Variants in TENM3 observed in about 807,000 individuals in gnomAD.
TENM3 encodes the protein teneurin-3.
In TENM3, 63 loss-of-function variants were observed where a neutral mutation model predicts 255.1. The ratio of observed to expected loss-of-function variants is 0.25; its 90% confidence interval spans 0.20 to 0.30. TENM3 has a LOEUF of 0.30. Ranked by LOEUF, TENM3 falls within the 10% of genes least tolerant of loss-of-function variation. The pLI is 1.00. For synonymous variants in TENM3, 1,306 were observed against 1,322.3 expected (o/e 0.99, Z 0.27); for missense variants, 2,929 against 3,461.1 (o/e 0.85, Z 3.86).
the TENM3 span, among the ~76,000 whole-genome samples, chr4:181,479,943 CT>C: frequency 2.6e-5 from 4 of 152,092 alleles, no homozygotes; most frequent in African/African-American, 9.7e-5. Context: ...TGTTTTTAAG[CT>C]ATGACCTAGC....
At chr4:181,605,494 G>C in the TENM3 span, among the ~76,000 whole-genome samples, 44 of 8,168 alleles carry the variant, frequency 5.4e-3, no homozygotes, top group African/African-American at 0.017. Flanking sequence ...AAGAAAGAAA[G>C]AAAGAAAGAA....
chr4:182,596,894 C>G (rs904701393), intron 3 of TENM3, among the ~76,000 whole-genome samples: 1 of 152,118 alleles, frequency 6.6e-6, no homozygotes, highest in Non-Finnish European at 1.5e-5. Flanking sequence ...GTCATTATAT[C>G]CAGAACTTTT....
the TENM3 span, among the ~76,000 whole-genome samples, chr4:181,454,691 T>TTTTTTTTTTC: frequency 6.7e-6 from 1 of 150,138 alleles, no homozygotes. Context: ...ACTTTTTTTT[T>TTTTTTTTTTC]CTGGTGTGCC....
intron 1 of TENM3, among the ~76,000 whole-genome samples, chr4:182,257,147 A>C (rs1282660118): frequency 6.6e-6 from 1 of 152,052 alleles, no homozygotes; most frequent in Non-Finnish European, 1.5e-5. Context: ...CCCATCTTAG[A>C]CTCTAATTTC....
intron 1 of TENM3, among the ~76,000 whole-genome samples, chr4:182,176,821 A>AATTTTTTTTTTTTTTT (rs1561169609): frequency 1.8e-5 from 2 of 113,358 alleles, no homozygotes; most frequent in South Asian, 2.9e-4. Flanking sequence ...CATCCGGCTA[A>AATTTTTTTTTTTTTTT]TTTTTTTTTT....
chr4:181,750,112 A>T, the TENM3 span, among the ~76,000 whole-genome samples: 907 of 152,252 alleles, frequency 6.0e-3, 5 homozygotes, highest in Middle Eastern at 0.031. Flanking sequence ...CGGGAAAGGG[A>T]TGCTTTATTG....
chr4:181,641,554 G>GTGTATATATATATATA, the TENM3 span, among the ~76,000 whole-genome samples: 4 of 26,908 alleles, frequency 1.5e-4, no homozygotes, highest in Non-Finnish European at 2.6e-4. Flanking sequence ...TGGTGTGTGT[G>GTGTATATATATATATA]TATATATATA....
At chr4:182,757,836 A>G (rs1348036180) in intron 22 of TENM3, among the ~76,000 whole-genome samples, 1 of 152,124 alleles carries the variant, frequency 6.6e-6, no homozygotes, top group Non-Finnish European at 1.5e-5. Context: ...GCAAAATCAC[A>G]TTTTCACCAA....
intron 3 of TENM3, among the ~76,000 whole-genome samples, chr4:182,507,003 G>A (rs1054827820): frequency 4.6e-5 from 7 of 152,082 alleles, no homozygotes; most frequent in Admixed American, 3.3e-4. Context: ...TTCATGATCC[G>A]TGAAGCCTCT....
chr4:182,575,974 T>C (rs1744870976), intron 3 of TENM3, among the ~76,000 whole-genome samples: 1 of 152,240 alleles, frequency 6.6e-6, no homozygotes, highest in Admixed American at 6.5e-5. Context: ...ATTTAGGTTG[T>C]ATTCAGTTAT....
At chr4:181,865,286 C>T in the TENM3 span, among the ~76,000 whole-genome samples, 41 of 152,304 alleles carry the variant, frequency 2.7e-4, no homozygotes, top group Middle Eastern at 6.8e-3. Flanking sequence ...AAGGAAGGCT[C>T]ATTCCTGGAG....
chr4:181,899,482 T>G, the TENM3 span, among the ~76,000 whole-genome samples: 1 of 152,288 alleles, frequency 6.6e-6, no homozygotes, highest in South Asian at 2.1e-4. Context: ...ATTTTTAAAC[T>G]AATTTTACCC....
chr4:181,564,485 T>C, the TENM3 span, among the ~76,000 whole-genome samples: 11,579 of 152,186 alleles, frequency 0.076, 488 homozygotes, highest in South Asian at 0.11. Flanking sequence ...ACCTAAGCTC[T>C]TAAACGCCAT....
the TENM3 span, among the ~76,000 whole-genome samples, chr4:181,787,657 C>A: frequency 6.6e-6 from 1 of 152,034 alleles, no homozygotes; most frequent in Non-Finnish European, 1.5e-5. Flanking sequence ...CCTTAACATT[C>A]CTTTCTGCTG....
the TENM3 span, among the ~76,000 whole-genome samples, chr4:181,776,287 A>G: frequency 1.3e-5 from 2 of 152,112 alleles, no homozygotes; most frequent in African/African-American, 2.4e-5. Flanking sequence ...GTATTTTACT[A>G]TGTATATACA....
chr4:182,225,230 ATTG>A lies in TENM3; in HGVS notation c.-76+80482_-76+80484del, dbSNP rs1756078623. On this transcript the variant is annotated intron_variant, in intron 1 of 2. Coordinates refer to the TENM3 transcript ENST00000512480. Reference sequence around the variant, plus strand: ...GAGTACTCAATATACGGCAGCAATTATTGTTGTTTTGGGTCTCAGGATATATCT... The same window carrying A: ...GAGTACTCAATATACGGCAGCAATTATTGTTTTGGGTCTCAGGATATATCT... 2.0e-5 allele frequency among the ~76,000 whole-genome samples: 3 copies of A among 152,226 alleles called. No homozygotes were observed. In the South Asian group the frequency reaches 6.2e-4, roughly 32 times the overall value.
chr4:182,501,716 A>G (rs13105695), intron 3 of TENM3, among the ~76,000 whole-genome samples: 51,205 of 151,974 alleles, frequency 0.34, 9,224 homozygotes, highest in Non-Finnish European at 0.4. Flanking sequence ...ATCTTGTAAC[A>G]TGAGGACCCA....
intron 3 of TENM3, among the ~76,000 whole-genome samples, chr4:182,533,067 A>G (rs1438084765): frequency 6.6e-6 from 1 of 152,226 alleles, no homozygotes; most frequent in African/African-American, 2.4e-5. Context: ...GTGCTTGAGC[A>G]CTAAAGAGAG....
intron 3 of TENM3, among the ~76,000 whole-genome samples, chr4:182,421,539 GACTT>G: frequency 1.3e-5 from 2 of 152,258 alleles, no homozygotes; most frequent in Middle Eastern, 6.8e-3. Context: ...CAGAAGAGAA[GACTT>G]ACTTCTGTTA....
Sources: gnomAD v4.1 joint callset for allele counts (sites outside exome capture counted in the v4.1 genomes callset) on GRCh38, gnomAD v4.1.1 for gene constraint, MANE v1.5 for transcripts, NCBI Gene and HGNC (gene_info 2026-07-23, HGNC 2026-07-21) for gene names.